NXPH1: variants seen among roughly 807,000 people sequenced by gnomAD.
The protein encoded by NXPH1 is neurexophilin-1.
In NXPH1, 5 loss-of-function variants were observed where a neutral mutation model predicts 23.7. The ratio of observed to expected loss-of-function variants is 0.21; its 90% CI spans 0.11 to 0.44. The LOEUF (loss-of-function observed/expected upper bound fraction) is 0.44, where lower values mean the gene tolerates loss of function less well. Ranked by LOEUF, NXPH1 falls within the 20% of genes least tolerant of loss-of-function variation. NXPH1 has a pLI of 0.99. For synonymous variants in NXPH1, 144 were observed against 122.2 expected, an observed-to-expected ratio of 1.18 and a Z score of -1.18; for missense variants, 324 against 321.6, an observed-to-expected ratio of 1.01 and a Z score of -0.06.
intron 2 of NXPH1, among the ~76,000 whole-genome samples, chr7:8,523,207 C>T (rs1817802468): frequency 6.6e-6 from 1 of 152,166 alleles, no homozygotes; most frequent in African/African-American, 2.4e-5. Flanking sequence ...CCATCTCAAG[C>T]CCATATCTTC....
chr7:8,479,916 G>T (rs1563322579), intron 2 of NXPH1, among the ~76,000 whole-genome samples: 1 of 152,128 alleles, frequency 6.6e-6, no homozygotes, highest in Non-Finnish European at 1.5e-5. Context: ...CTAGTTCGTT[G>T]TCTTGAAAAT....
At chr7:8,696,840 C>CAAAA (rs3059126) in intron 2 of NXPH1, among the ~76,000 whole-genome samples, 2 of 96,984 alleles carry the variant, frequency 2.1e-5, no homozygotes. Context: ...GACTCCCTCT[C>CAAAA]AAAAAAAAAA....
intron 2 of NXPH1, among the ~76,000 whole-genome samples, chr7:8,455,734 G>A (rs1165519294): frequency 1.3e-5 from 2 of 152,274 alleles, no homozygotes; most frequent in Middle Eastern, 3.4e-3. Context: ...TCCTCTCTTC[G>A]TTGCTTCTTC....
intron 2 of NXPH1, among the ~76,000 whole-genome samples, chr7:8,717,091 T>A (rs1449514569): frequency 6.6e-6 from 1 of 152,184 alleles, no homozygotes; most frequent in African/African-American, 2.4e-5. Context: ...ATGTCTTCTC[T>A]TACTCAAGTA....
chr7:8,670,464 A>T lies in NXPH1; in HGVS notation c.55-80544A>T, dbSNP rs1820851296. On this transcript the variant is annotated intron_variant, in intron 2 of 2. Coordinates refer to ENST00000405863, the MANE Select transcript of NXPH1 (RefSeq NM_152745.3). ...ATGACTTTTTGTAACTTACAGATTT[A>T]ATGGTACTAACTATTGTCTGAATTA... Among the ~76,000 whole-genome samples the T allele has an allele frequency of 2.6e-5, 4 of 152,202 alleles. No individual in the cohort carries two copies. The South Asian group carries it at 8.3e-4, about 31-fold the overall frequency.
chr7:8,713,054 C>A (rs1779821332), intron 2 of NXPH1, among the ~76,000 whole-genome samples: 1 of 152,038 alleles, frequency 6.6e-6, no homozygotes, highest in South Asian at 2.1e-4. Flanking sequence ...CTTATATTTG[C>A]CATTTTGTGG....
At chr7:8,471,255 C>A (rs2882179) in intron 2 of NXPH1, among the ~76,000 whole-genome samples, 1 of 152,136 alleles carries the variant, frequency 6.6e-6, no homozygotes, top group East Asian at 1.9e-4. Context: ...GCCAATGTGG[C>A]GGTACTCTAC....
chr7:8,731,943 G>C (rs896193556), intron 2 of NXPH1, among the ~76,000 whole-genome samples: 1 of 152,226 alleles, frequency 6.6e-6, no homozygotes, highest in African/African-American at 2.4e-5. Flanking sequence ...CCCCGGCCTT[G>C]CTGCTGCCTT....
At chr7:8,527,855 G>T (rs1161604150) in intron 2 of NXPH1, among the ~76,000 whole-genome samples, 1 of 152,158 alleles carries the variant, frequency 6.6e-6, no homozygotes, top group Non-Finnish European at 1.5e-5. Flanking sequence ...TGTGAGAGAT[G>T]GGAAAAGAAG....
intron 2 of NXPH1, among the ~76,000 whole-genome samples, chr7:8,676,001 C>G (rs531520358): frequency 5.3e-5 from 8 of 152,170 alleles, no homozygotes; most frequent in Non-Finnish European, 1.2e-4. Context: ...TAACAAATCT[C>G]TAGGGATAGG....
At chr7:8,578,604 C>A (rs1192857731) in intron 2 of NXPH1, among the ~76,000 whole-genome samples, 1 of 152,192 alleles carries the variant, frequency 6.6e-6, no homozygotes, top group East Asian at 1.9e-4. Flanking sequence ...GTTAACAAAT[C>A]TGTATTGAGT....
intron 2 of NXPH1, among the ~76,000 whole-genome samples, chr7:8,585,504 C>A (rs1208546931): frequency 6.6e-6 from 1 of 152,152 alleles, no homozygotes; most frequent in Non-Finnish European, 1.5e-5. Context: ...ATGAAAGAGC[C>A]AGGGTTGGTA....
rs1337120516 is a variant in NXPH1, at chr7:8,548,235, C to T, written c.54+112468C>T. Among the ~76,000 whole-genome samples the T allele has an allele frequency of 2.0e-5, 3 of 151,658 alleles. No individual in the cohort carries two copies. The East Asian group carries it at 5.9e-4, about 30-fold the overall frequency. ...AGTATTAAAAAGGATACTTCCTGTT[C>T]ATGGAGTTTACCATGCTCCTCAATG... On this transcript the variant is annotated intron_variant, in intron 2 of 2. Coordinates refer to ENST00000405863, the MANE Select transcript of NXPH1 (RefSeq NM_152745.3).
At chr7:8,644,483 T>C (rs1820364506) in intron 2 of NXPH1, among the ~76,000 whole-genome samples, 2 of 152,286 alleles carry the variant, frequency 1.3e-5, no homozygotes, top group South Asian at 2.1e-4. Flanking sequence ...CTCTTTATTC[T>C]CTTGTCTAGA....
At chr7:8,593,654 C>T (rs965305916) in intron 2 of NXPH1, among the ~76,000 whole-genome samples, 1 of 152,030 alleles carries the variant, frequency 6.6e-6, no homozygotes, top group African/African-American at 2.4e-5. Context: ...ATTAATAATA[C>T]ACCAGTAGCC....
rs1419113280 is a variant in NXPH1 at position 8,642,633 on chromosome 7, A to C, written c.55-108375A>C. 4.6e-5 allele frequency among the ~76,000 whole-genome samples: 7 copies of C among 151,950 alleles called. 1 individual carries two copies. The East Asian group carries it at 1.3e-3, about 29-fold the overall frequency. On this transcript the variant is annotated intron_variant, in intron 2 of 2. Transcript: ENST00000405863. ...TTCTAACATTCTAATTTTTTTGTTG[A>C]TTTTCTTGGATATTTTACATGAATA...
chr7:8,623,666 G>C (rs1369892140), intron 2 of NXPH1, among the ~76,000 whole-genome samples: 2 of 73,046 alleles, frequency 2.7e-5, no homozygotes, highest in Non-Finnish European at 5.6e-5. Flanking sequence ...TTGTGGTATA[G>C]TAAGAAAAAG....
chr7:8,492,780 A>G (rs983023384), intron 2 of NXPH1, among the ~76,000 whole-genome samples: 1 of 152,004 alleles, frequency 6.6e-6, no homozygotes, highest in Non-Finnish European at 1.5e-5. Flanking sequence ...AACTAATGCC[A>G]TGGAAATTGT....
intron 2 of NXPH1, among the ~76,000 whole-genome samples, chr7:8,474,316 A>C (rs1816930038): frequency 1.3e-5 from 2 of 152,168 alleles, no homozygotes; most frequent in African/African-American, 2.4e-5. Context: ...GCTGAGAGAA[A>C]TGATACAGAA....
Sources: allele counts gnomAD v4.1 joint callset (sites outside exome capture counted in the v4.1 genomes callset), GRCh38; gene constraint gnomAD v4.1.1; transcripts MANE v1.5; gene names NCBI Gene and HGNC (gene_info 2026-07-23, HGNC 2026-07-21).